Variants in MTMR14 observed in about 807,000 individuals in gnomAD.
MTMR14 encodes myotubularin related protein 14.
Under a neutral mutation model 86.3 loss-of-function variants are expected in MTMR14, and 48 were observed. The ratio of observed to expected loss-of-function variants is 0.56; its 90% CI spans 0.44 to 0.71. The LOEUF (loss-of-function observed/expected upper bound fraction) is 0.71, where lower values mean the gene tolerates loss of function less well. Ranked by LOEUF, MTMR14 falls within the 30% of genes least tolerant of loss-of-function variation. The pLI is 0.00. For synonymous variants in MTMR14, 366 were observed against 326.1 expected (o/e 1.12, Z -1.32); for missense variants, 780 against 834.6 (o/e 0.93, Z 0.81).
rs759175744 is a variant in MTMR14, at chr3:9,684,967, A to G, written c.1127+3A>G. ...GCCTATGACTGGTTCCTCTTCGGGT[A>G]AGCCTTTGCAGGAGTTGGGTTTTGG... On this transcript the variant is annotated splice_donor_region_variant and intron_variant, in intron 12 of 18. Coordinates refer to ENST00000296003, the MANE Select transcript of MTMR14 (RefSeq NM_001077525.3). 6.2e-7 allele frequency: 1 copy of G among 1,614,042 alleles called. No homozygotes were observed. Among genetic ancestry groups the G allele is most frequent in the East Asian group, 2.2e-5 (1 of 44,862 alleles).
At chr3:9,663,458 G>A (rs1299242921) in intron 3 of MTMR14, among the ~76,000 whole-genome samples, 5 of 142,372 alleles carry the variant, frequency 3.5e-5, no homozygotes, top group South Asian at 2.3e-4. Context: ...TCATGTTCCC[G>A]AAAGTTATTG....
chr3:9,650,326 A>T lies in MTMR14; in HGVS notation c.159+584A>T, dbSNP rs1195510743. 6.6e-6 allele frequency: 3 copies of T among 456,562 alleles called. No homozygotes were observed. The East Asian group carries it at 2.1e-4, about 32-fold the overall frequency. The allele number at this position is 456,562 out of a possible 1,614,324, so 28.3% of individuals were successfully genotyped here. A position where few individuals can be genotyped will look rare whatever the true frequency, so the allele number is the denominator to read the frequency against. On this transcript the variant is annotated intron_variant, in intron 1 of 18. Transcript: ENST00000296003. Reference sequence around the variant, plus strand: ...TTTGCTCCCTTTGGGATTTCCACCCAGTCGTCTTATCGCCAGACCTGGAGG... The same window carrying T: ...TTTGCTCCCTTTGGGATTTCCACCCTGTCGTCTTATCGCCAGACCTGGAGG...
chr3:9,658,439 G>C (rs2047732730), intron 2 of MTMR14, among the ~76,000 whole-genome samples: 1 of 152,220 alleles, frequency 6.6e-6, no homozygotes, highest in South Asian at 2.1e-4. Context: ...GTAGACCTCA[G>C]GGATCAAGTT....
rs376583769 is a variant in MTMR14, at chr3:9,653,589, C to G, written c.160-32C>G. On this transcript the variant is annotated intron_variant, in intron 1 of 18. Coordinates refer to ENST00000296003, the MANE Select transcript of MTMR14 (RefSeq NM_001077525.3). ...TTCTCACCCTCAGAACCCCAGAATTCTCTTTGTGTTCTGGTCTCCTTCTCT... is the reference window on the plus strand; with the variant it reads ...TTCTCACCCTCAGAACCCCAGAATTGTCTTTGTGTTCTGGTCTCCTTCTCT... The G allele has an allele frequency of 6.0e-4, 964 of 1,613,876 alleles. 1 individual carries two copies. Among genetic ancestry groups the G allele is most frequent in the Non-Finnish European group, 6.8e-4 (806 of 1,179,984 alleles).
intron 17 of MTMR14, among the ~76,000 whole-genome samples, chr3:9,694,331 C>G (rs1318181036): frequency 2.0e-5 from 2 of 101,400 alleles, no homozygotes; most frequent in Admixed American, 1.2e-4. Context: ...AGGCCCCCCT[C>G]CCGTAAGTTT....
intron 17 of MTMR14, among the ~76,000 whole-genome samples, chr3:9,693,917 AAG>A (rs2076209448): frequency 6.6e-6 from 1 of 152,198 alleles, no homozygotes; most frequent in Admixed American, 6.5e-5. Flanking sequence ...CAGCCTGATC[AAG>A]GTTCCAGCTC....
At position 9,684,671 on chromosome 3, in the gene MTMR14, G is replaced by A; in HGVS notation, c.1050+1G>A. ...CCTCCTGCGCCTTTCCTTGTGGGCT[G>A]TGAGTATGAATCGGCCCCTACCAAG... On this transcript the variant is annotated splice_donor_variant, in intron 11 of 18. Coordinates refer to ENST00000296003, the MANE Select transcript of MTMR14 (RefSeq NM_001077525.3). LOFTEE classifies it high-confidence loss of function. The A allele has an allele frequency of 1.9e-6, 3 of 1,614,144 alleles. No homozygotes were observed. The highest frequency in any genetic ancestry group is 2.5e-6 in the Non-Finnish European group (3 of 1,179,996).
At chr3:9,666,232 C>G (rs1052596568) in intron 3 of MTMR14, among the ~76,000 whole-genome samples, 1 of 150,102 alleles carries the variant, frequency 6.7e-6, no homozygotes, top group Non-Finnish European at 1.5e-5. Context: ...CTCCCAGGCT[C>G]TAGCGATTCT....
intron 11 of MTMR14, 82 bp downstream of exon 11, chr3:9,684,752 G>A: frequency 6.4e-7 from 1 of 1,560,824 alleles, no homozygotes; most frequent in Non-Finnish European, 8.8e-7. Flanking sequence ...AGCAGGGGAT[G>A]CCATCGCTCA....
intron 17 of MTMR14, among the ~76,000 whole-genome samples, chr3:9,690,788 A>G (rs2076115336): frequency 6.6e-6 from 1 of 152,170 alleles, no homozygotes; most frequent in Non-Finnish European, 1.5e-5. Context: ...AATCCTGTGA[A>G]TTGCTTTGTG....
At chr3:9,691,760 G>T (rs1013685397) in intron 17 of MTMR14, among the ~76,000 whole-genome samples, 1 of 152,282 alleles carries the variant, frequency 6.6e-6, no homozygotes, top group East Asian at 1.9e-4. Context: ...TGGCCACCAA[G>T]GCCCCCTCTT....
chr3:9,684,781 C>T, intron 11 of MTMR14, 107 bp from the exon 12 acceptor site: 6 of 1,545,868 alleles, frequency 3.9e-6, no homozygotes, highest in Non-Finnish European at 5.4e-6. Context: ...GTGTTTAACC[C>T]TGTCCTTCCG....
intron 1 of MTMR14, among the ~76,000 whole-genome samples, chr3:9,651,361 C>A (rs60215699): frequency 1.3e-5 from 2 of 152,248 alleles, no homozygotes; most frequent in East Asian, 3.9e-4. Context: ...CCTCAGCCCC[C>A]CAAAATGCTG....
In MTMR14 at chr3:9,668,801, G is replaced by A; in HGVS notation, c.493+7G>A. On this transcript the variant is annotated splice_region_variant and intron_variant, in intron 4 of 18. Transcript: ENST00000296003. ...TACAACTATTTTTTCTCAGGTGAAT[G>A]TTGAACAGCATCCTCTGATGTAGAA... is the stretch of plus-strand genomic sequence containing the variant. The A allele has an allele frequency of 6.2e-7, 1 of 1,613,958 alleles. No homozygotes were observed. Among genetic ancestry groups the A allele is most frequent in the Non-Finnish European group, 8.5e-7 (1 of 1,179,830 alleles).
intron 2 of MTMR14, among the ~76,000 whole-genome samples, chr3:9,656,185 C>T (rs2047593771): frequency 1.3e-5 from 2 of 151,578 alleles, no homozygotes; most frequent in South Asian, 4.2e-4. Context: ...CAGGGTGAGA[C>T]TCCATCTCAA....
intron 9 of MTMR14, among the ~76,000 whole-genome samples, chr3:9,680,163 T>C (rs2075713279): frequency 6.6e-6 from 1 of 152,198 alleles, no homozygotes; most frequent in South Asian, 2.1e-4. Flanking sequence ...GAGTTGGCCA[T>C]GGCCCACCAT....
chr3:9,685,992 G>A (rs1252374822), intron 13 of MTMR14, among the ~76,000 whole-genome samples: 2 of 152,108 alleles, frequency 1.3e-5, no homozygotes, highest in African/African-American at 2.4e-5. Flanking sequence ...CATGGAAGCT[G>A]TCCCACGGTG....
rs2047167516 is a variant in MTMR14 at position 9,649,715 on chromosome 3, G to T, written c.132G>T (p.Lys44Asn). Residue 44 changes from lysine to asparagine, a missense_variant, in exon 1 of 19, where the codon AAG (lysine) becomes AAT (asparagine). Physicochemically the swap from Lys to Asn is moderately conservative, Grantham distance 94. Coordinates refer to ENST00000296003, the MANE Select transcript of MTMR14 (RefSeq NM_001077525.3). ...TCTCCCGGACTCAGTACCGGGCCAAGGATGGCAGCGGGACCGGCGGCTCTA... is the reference window on the plus strand; with the variant it reads ...TCTCCCGGACTCAGTACCGGGCCAATGATGGCAGCGGGACCGGCGGCTCTA... ...EEFSRTQYRA[K>N]DGSGTGGSKV... 6.2e-7 allele frequency: 1 copy of T among 1,613,428 alleles called. No homozygotes were observed. Among genetic ancestry groups the T allele is most frequent in the Non-Finnish European group, 8.5e-7 (1 of 1,179,838 alleles).
intron 17 of MTMR14, among the ~76,000 whole-genome samples, chr3:9,696,236 G>A (rs576316993): frequency 2.5e-4 from 38 of 152,280 alleles, no homozygotes; most frequent in Middle Eastern, 6.8e-3. Flanking sequence ...ACTGGCTCAC[G>A]CCTGTAATCC....
Sources: gnomAD v4.1 joint callset for allele counts (sites outside exome capture counted in the v4.1 genomes callset) on GRCh38, gnomAD v4.1.1 for gene constraint, MANE v1.5 for transcripts, NCBI Gene and HGNC (gene_info 2026-07-23, HGNC 2026-07-21) for gene names.